CCDC73: variants seen among roughly 807,000 people sequenced by gnomAD.
CCDC73 encodes coiled-coil domain containing 73.
Under a neutral mutation model 116.5 loss-of-function variants are expected in CCDC73, and 95 were observed. That is an observed-to-expected ratio of 0.82 (90% CI 0.69 to 0.97). The LOEUF (loss-of-function observed/expected upper bound fraction) is 0.97, where lower values mean the gene tolerates loss of function less well. Among genes scored for constraint, CCDC73 ranks in the 50% least tolerant of loss-of-function variants. The pLI is 0.00. For synonymous variants in CCDC73, 398 were observed against 401.3 expected (o/e 0.99, Z 0.10); for missense variants, 1,066 against 1,206.8 (o/e 0.88, Z 1.73).
At chr11:32,777,896 C>T (rs1850551441) in intron 1 of CCDC73, among the ~76,000 whole-genome samples, 1 of 152,196 alleles carries the variant, frequency 6.6e-6, no homozygotes, top group Non-Finnish European at 1.5e-5. Flanking sequence ...CAAAATGTTA[C>T]TCATTTATCA....
chr11:32,777,103 T>C (rs1350727965), intron 1 of CCDC73, among the ~76,000 whole-genome samples: 5 of 141,688 alleles, frequency 3.5e-5, no homozygotes, highest in South Asian at 2.2e-4. Flanking sequence ...TTCTTTCTTT[T>C]TTTTTTTTTT....
intron 1 of CCDC73, among the ~76,000 whole-genome samples, chr11:32,779,108 T>C (rs766750782): frequency 1.3e-5 from 2 of 152,146 alleles, no homozygotes; most frequent in African/African-American, 2.4e-5. Context: ...TTAATAGTCA[T>C]TGATTCTCTC....
intron 1 of CCDC73, among the ~76,000 whole-genome samples, chr11:32,774,506 T>C (rs1470137000): frequency 6.6e-6 from 1 of 152,184 alleles, no homozygotes; most frequent in African/African-American, 2.4e-5. Flanking sequence ...TCACCTCCTA[T>C]TTAATTATAT....
At chr11:32,711,003 A>G (rs1475690576) in intron 3 of CCDC73, among the ~76,000 whole-genome samples, 4 of 152,344 alleles carry the variant, frequency 2.6e-5, no homozygotes, top group Admixed American at 6.5e-5. Context: ...GAGTCTTAAA[A>G]AAAAGATATA....
In CCDC73 at chr11:32,675,973, G is replaced by T; in HGVS notation, c.478C>A (p.Gln160Lys). 1 of 1,608,056 alleles carries T rather than the reference G, an allele frequency of 6.2e-7. No homozygotes were observed. Among genetic ancestry groups the T allele is most frequent in the Non-Finnish European group, 8.5e-7 (1 of 1,177,814 alleles). Residue 160 changes from glutamine (Q) to lysine (K), a missense_variant, in exon 8 of 18, where the codon CAA (glutamine) becomes AAA (lysine). Coordinates refer to ENST00000335185, the MANE Select transcript of CCDC73 (RefSeq NM_001008391.4). Reference protein sequence around the residue: ...HLLAKEDYHKQLSEIEKYYAT... With the variant: ...HLLAKEDYHKKLSEIEKYYAT... The stretch of plus-strand genomic sequence containing the variant: ...TAATATTTCTCAATTTCACTCAGTT[G>T]CTTATGATAGTCTTCTTTAGCCAGA...
At chr11:32,814,665 G>A in the CCDC73 span, among the ~76,000 whole-genome samples, 12 of 152,086 alleles carry the variant, frequency 7.9e-5, 1 homozygote, top group Admixed American at 7.9e-4. Context: ...GACCTAGCAA[G>A]TCCCCTTGTA....
In CCDC73 at chr11:32,690,067, G is replaced by C. The variant is rs148032274; in HGVS notation, c.391-6493C>G. 3.5e-3 allele frequency among the ~76,000 whole-genome samples: 538 copies of C among 152,242 alleles called. 6 individuals carry two copies. Among genetic ancestry groups the C allele is most frequent in the African/African-American group, 0.012 (518 of 41,546 alleles). On this transcript the variant is annotated intron_variant, in intron 6 of 17. Transcript: ENST00000335185. ...AAAGTATATAAGGTATAAAGACATG[G>C]AGGATAAATGAGAAGATTCAAAATA...
Position 32,703,406 on chromosome 11 carries a change from T to C in CCDC73, c.208-462A>G, listed in dbSNP as rs1326527044. On this transcript the variant is annotated intron_variant, in intron 3 of 17. Coordinates refer to ENST00000335185, the MANE Select transcript of CCDC73 (RefSeq NM_001008391.4). ...CCAGCCCAATTTTATAATTTTTTAA[T>C]TGTCATAGAATCATCATATAAAAAT... Among the ~76,000 whole-genome samples the C allele has an allele frequency of 3.3e-5, 5 of 152,288 alleles. No homozygotes were observed. The East Asian group carries it at 9.6e-4, about 29-fold the overall frequency.
the CCDC73 span, among the ~76,000 whole-genome samples, chr11:32,818,605 A>G: frequency 2.0e-5 from 3 of 152,352 alleles, no homozygotes; most frequent in East Asian, 5.8e-4. Context: ...AAACTTGTAC[A>G]TGAGTGTTCA....
At chr11:32,705,083 C>T (rs1207139810) in intron 3 of CCDC73, among the ~76,000 whole-genome samples, 1 of 152,338 alleles carries the variant, frequency 6.6e-6, no homozygotes, top group Admixed American at 6.5e-5. Context: ...AACGCTATAG[C>T]TCTCCCAGCC....
At chr11:32,698,315 C>T (rs1849776071) in intron 6 of CCDC73, among the ~76,000 whole-genome samples, 2 of 152,256 alleles carry the variant, frequency 1.3e-5, no homozygotes, top group Middle Eastern at 6.8e-3. Context: ...TGAGCCACCA[C>T]GCCCAGCCAA....
chr11:32,729,390 T>C (rs1184453583), intron 2 of CCDC73, among the ~76,000 whole-genome samples: 1 of 152,246 alleles, frequency 6.6e-6, no homozygotes, highest in Non-Finnish European at 1.5e-5. Context: ...ATGGTGTGTA[T>C]ATACCATATT....
chr11:32,783,728 C>T (rs1265804034), intron 1 of CCDC73, among the ~76,000 whole-genome samples: 1 of 152,116 alleles, frequency 6.6e-6, no homozygotes, highest in Non-Finnish European at 1.5e-5. Context: ...CCAAAGGCCC[C>T]ACCAAATACT....
intron 17 of CCDC73, chr11:32,605,750 A>G (rs1399673940): frequency 6.6e-6 from 1 of 152,138 alleles, no homozygotes; most frequent in Non-Finnish European, 1.5e-5. Context: ...GCTTAACAAA[A>G]CTTGTCCTGT....
intron 1 of CCDC73, among the ~76,000 whole-genome samples, chr11:32,764,614 C>T (rs1850423546): frequency 6.6e-6 from 1 of 152,124 alleles, no homozygotes; most frequent in Admixed American, 6.5e-5. Context: ...CTGAACGAAG[C>T]ACTAAACATG....
rs192777746 is a variant in CCDC73, at chr11:32,671,326, T to C, written c.645+4239A>G. ...GAATTCTTCATGATTGCCATAATGG[T>C]GAACTCAGCATTCAGAATGGTAATA... is the stretch of plus-strand genomic sequence containing the variant. On this transcript the variant is annotated intron_variant, in intron 9 of 17. Transcript: ENST00000335185. Among the ~76,000 whole-genome samples the C allele has an allele frequency of 5.3e-5, 8 of 150,828 alleles. No individual in the cohort carries two copies. The Admixed American group carries it at 5.3e-4, about 10-fold the overall frequency.
At chr11:32,738,801 A>G (rs2133354448) in intron 2 of CCDC73, among the ~76,000 whole-genome samples, 1 of 152,078 alleles carries the variant, frequency 6.6e-6, no homozygotes, top group African/African-American at 2.4e-5. Flanking sequence ...AGTTTCCCCC[A>G]ATATTTTCTT....
chr11:32,664,677 A>T (rs1406913997), intron 9 of CCDC73, among the ~76,000 whole-genome samples: 1 of 151,832 alleles, frequency 6.6e-6, no homozygotes, highest in Non-Finnish European at 1.5e-5. Context: ...TCTCTATTTC[A>T]TTTCTGCTAC....
chr11:32,614,329 T>A lies in CCDC73; in HGVS notation c.1989A>T (p.Lys663Asn). 6.2e-7 allele frequency: 1 copy of A among 1,611,844 alleles called. No individual in the cohort carries two copies. The highest frequency in any genetic ancestry group is 8.5e-7 in the Non-Finnish European group (1 of 1,178,598). Reference sequence around the variant, plus strand: ...TTTTTTTAGTTAACAGTTGTATTTGTTTTATTTTACATTGTTTATCATCTA... The same window carrying A: ...TTTTTTTAGTTAACAGTTGTATTTGATTTATTTTACATTGTTTATCATCTA... Reference protein sequence around the residue: ...VMLDDKQCKIKQIQLLTKKSE... With the variant: ...VMLDDKQCKINQIQLLTKKSE... Residue 663 changes from lysine to asparagine, a missense_variant, in exon 16 of 18, where the codon AAA becomes AAT. Physicochemically the swap from Lys to Asn is moderately conservative, Grantham distance 94 (BLOSUM62 0). Transcript: ENST00000335185.
Sources: gnomAD v4.1 joint callset for allele counts (sites outside exome capture counted in the v4.1 genomes callset) on GRCh38, gnomAD v4.1.1 for gene constraint, MANE v1.5 for transcripts, NCBI Gene and HGNC (gene_info 2026-07-23, HGNC 2026-07-21) for gene names.